Variants in RAB3GAP2 observed in about 807,000 individuals in gnomAD.
RAB3GAP2 encodes RAB3 GTPase activating non-catalytic protein subunit 2.
In RAB3GAP2, 87 loss-of-function variants were observed where a neutral mutation model predicts 185.3. The ratio of observed to expected loss-of-function variants is 0.47; its 90% CI spans 0.39 to 0.56. The LOEUF (loss-of-function observed/expected upper bound fraction) is 0.56. Among genes scored for constraint, RAB3GAP2 ranks in the 20% least tolerant of loss-of-function variants. The pLI, the probability that RAB3GAP2 is intolerant of heterozygous loss-of-function variation, is 0.00. For synonymous variants in RAB3GAP2, 554 were observed against 576.1 expected, an observed-to-expected ratio of 0.96 and a Z score of 0.55; for missense variants, 1,492 against 1,638.2, an observed-to-expected ratio of 0.91 and a Z score of 1.54.
chr1:220,208,740 G>A (rs952180478), intron 7 of RAB3GAP2, among the ~76,000 whole-genome samples: 52 of 150,074 alleles, frequency 3.5e-4, no homozygotes, highest in Non-Finnish European at 6.5e-4. Flanking sequence ...TTTTTGAGAC[G>A]GAGTCTCGCT....
At chr1:220,211,461 A>T (rs115560258) in intron 4 of RAB3GAP2, 46 of 444,988 alleles carry the variant, frequency 1.0e-4, no homozygotes, top group African/African-American at 8.9e-4. Flanking sequence ...TGCAAACTGT[A>T]TTTCTGCAGG....
chr1:220,181,764 A>G (rs1048378999), intron 21 of RAB3GAP2, among the ~76,000 whole-genome samples: 16 of 152,128 alleles, frequency 1.1e-4, no homozygotes, highest in African/African-American at 3.9e-4. Context: ...ATTTACAGAA[A>G]ATTGGCCAGG....
At chr1:220,267,076 G>A in intron 1 of RAB3GAP2, 4 of 1,599,044 alleles carry the variant, frequency 2.5e-6, no homozygotes, top group African/African-American at 1.3e-5. Flanking sequence ...GGAAGATGGA[G>A]CATGTTCTGA....
At chr1:220,188,824 G>A (rs1658554391) in intron 17 of RAB3GAP2, among the ~76,000 whole-genome samples, 1 of 152,172 alleles carries the variant, frequency 6.6e-6, no homozygotes, top group Non-Finnish European at 1.5e-5. Context: ...ATTCTAGTCA[G>A]TGAGCAGAAT....
intron 2 of RAB3GAP2, among the ~76,000 whole-genome samples, chr1:220,218,740 T>TA (rs5781167): frequency 0.25 from 37,045 of 146,956 alleles, 4,826 homozygotes; most frequent in East Asian, 0.35. Flanking sequence ...AAGTATAATT[T>TA]AAAAAAAAAA....
intron 3 of RAB3GAP2, 23 bp from the exon 4 acceptor site, chr1:220,212,991 T>A (rs1485057644): frequency 6.5e-7 from 1 of 1,549,670 alleles, no homozygotes; most frequent in South Asian, 1.1e-5. Flanking sequence ...AGATATCATA[T>A]AAAATAATTT....
intron 33 of RAB3GAP2, among the ~76,000 whole-genome samples, chr1:220,152,849 C>T (rs1657787899): frequency 1.3e-5 from 2 of 152,138 alleles, no homozygotes; most frequent in Non-Finnish European, 2.9e-5. Flanking sequence ...AGCCACGACA[C>T]CCGGCCCTCT....
rs773323416 is a variant in RAB3GAP2, at chr1:220,157,496, T to G, written c.3337-8A>C. ...ATCCCTGCTAACATCTGCCTAAGGG[T>G]TTTGAGAATGGAGGACTGTGTTCAG... On this transcript the variant is annotated splice_polypyrimidine_tract_variant and splice_region_variant and intron_variant, in intron 30 of 34. Coordinates refer to ENST00000358951, the MANE Select transcript of RAB3GAP2 (RefSeq NM_012414.4). 22 of 1,611,572 alleles carry G rather than the reference T, an allele frequency of 1.4e-5. No individual in the cohort carries two copies. In the Admixed American group the frequency reaches 3.7e-4, roughly 27 times the overall value.
chr1:220,245,309 G>A (rs544448053), intron 1 of RAB3GAP2, among the ~76,000 whole-genome samples: 5,202 of 149,970 alleles, frequency 0.035, 215 homozygotes, highest in East Asian at 0.21. Flanking sequence ...CAGTGGGTGC[G>A]CGCACCATGC....
At chr1:220,211,772 G>A (rs1659089282) in intron 4 of RAB3GAP2, among the ~76,000 whole-genome samples, 1 of 152,070 alleles carries the variant, frequency 6.6e-6, no homozygotes, top group Admixed American at 6.6e-5. Flanking sequence ...GGTAATCAAT[G>A]AACAAAATTC....
At chr1:220,266,796 G>C in intron 1 of RAB3GAP2, 2 of 1,594,290 alleles carry the variant, frequency 1.3e-6, no homozygotes, top group South Asian at 1.1e-5. Flanking sequence ...ACTTCTCTGA[G>C]CATTGGCCTC....
rs1465869404 is a variant in RAB3GAP2, at chr1:220,210,738, G to C, written c.510+63C>G. On this transcript the variant is annotated intron_variant, in intron 6 of 34. Coordinates refer to ENST00000358951, the MANE Select transcript of RAB3GAP2 (RefSeq NM_012414.4). ...GTAATAAAGTCACAAACAGTATAAAGGTGATGCATAACCAGATATTGCAGT... is the reference window on the plus strand; with the variant it reads ...GTAATAAAGTCACAAACAGTATAAACGTGATGCATAACCAGATATTGCAGT... 2.1e-6 allele frequency: 3 copies of C among 1,451,278 alleles called. No individual in the cohort carries two copies. The African/African-American group carries it at 4.2e-5, about 20-fold the overall frequency. The allele number at this position is 1,451,278 out of a possible 1,614,324, so 89.9% of individuals were successfully genotyped here.
At chr1:220,214,946 TTATATATATA>T (rs10526805) in intron 2 of RAB3GAP2, among the ~76,000 whole-genome samples, 8,810 of 89,624 alleles carry the variant, frequency 0.098, 618 homozygotes, top group African/African-American at 0.2. Flanking sequence ...AATAGTAGCA[TTATATATATA>T]TATATATATA....
At chr1:220,228,051 C>T (rs1659435016) in intron 2 of RAB3GAP2, among the ~76,000 whole-genome samples, 1 of 152,276 alleles carries the variant, frequency 6.6e-6, no homozygotes. Flanking sequence ...CCGCGCCTGG[C>T]CTCTATAATT....
intron 17 of RAB3GAP2, among the ~76,000 whole-genome samples, chr1:220,189,244 C>T (rs1571890282): frequency 6.6e-6 from 1 of 151,784 alleles, no homozygotes; most frequent in Middle Eastern, 3.4e-3. Flanking sequence ...AAAACACACT[C>T]AGATGTATGG....
At chr1:220,186,725 A>G (rs1043931425) in intron 17 of RAB3GAP2, among the ~76,000 whole-genome samples, 1 of 152,202 alleles carries the variant, frequency 6.6e-6, no homozygotes, top group Non-Finnish European at 1.5e-5. Context: ...AGCATTCTTT[A>G]TAAAATTCAC....
At position 220,154,019 on chromosome 1, in the gene RAB3GAP2, CTGAAT is replaced by C; in HGVS notation, c.3589_3593del (p.Ile1197ValfsTer4). ...GATCCATTTCCCCACTAGGTAATAA[CTGAAT>C]TGAAGTTAGGTCTTTGAAAAATGCA... On this transcript the variant is annotated frameshift_variant, in exon 32 of 35. Coordinates refer to ENST00000358951, the MANE Select transcript of RAB3GAP2 (RefSeq NM_012414.4). LOFTEE classifies it high-confidence loss of function. The C allele has an allele frequency of 6.2e-7, 1 of 1,613,344 alleles. No homozygotes were observed. The highest frequency in any genetic ancestry group is 8.5e-7 in the Non-Finnish European group (1 of 1,179,766).
intron 2 of RAB3GAP2, among the ~76,000 whole-genome samples, chr1:220,231,629 A>G (rs1659502588): frequency 6.6e-6 from 1 of 152,208 alleles, no homozygotes; most frequent in African/African-American, 2.4e-5. Flanking sequence ...AGGGAATAAT[A>G]TGATTCAACA....
At chr1:220,189,024 C>G (rs556968914) in intron 17 of RAB3GAP2, among the ~76,000 whole-genome samples, 1 of 151,828 alleles carries the variant, frequency 6.6e-6, no homozygotes, top group Non-Finnish European at 1.5e-5. Context: ...AATGACGTAA[C>G]TATAAAGTAA....
Sources: gnomAD v4.1 joint callset for allele counts (sites outside exome capture counted in the v4.1 genomes callset) on GRCh38, gnomAD v4.1.1 for gene constraint, MANE v1.5 for transcripts, NCBI Gene and HGNC (gene_info 2026-07-23, HGNC 2026-07-21) for gene names.